RIMBP2: variants seen among roughly 807,000 people sequenced by gnomAD.
RIMBP2 encodes RIMS binding protein 2.
In RIMBP2, 48 loss-of-function variants were observed where a neutral mutation model predicts 118.6. The observed-to-expected ratio is 0.40, with a 90% CI of 0.32 to 0.51. The LOEUF is 0.51. Among genes scored for constraint, RIMBP2 ranks in the 20% least tolerant of loss-of-function variants. RIMBP2 has a pLI of 0.41. For synonymous variants in RIMBP2, 762 were observed against 742.9 expected (o/e 1.03, Z -0.42); for missense variants, 1,551 against 1,768.3 (o/e 0.88, Z 2.20).
intron 1 of RIMBP2, among the ~76,000 whole-genome samples, chr12:130,715,806 G>C (rs1040124968): frequency 6.7e-6 from 1 of 149,990 alleles, no homozygotes. Flanking sequence ...CTGAGCCGCT[G>C]CTGTCTGAGA....
intron 2 of RIMBP2, among the ~76,000 whole-genome samples, chr12:130,551,784 C>A (rs2055813986): frequency 1.3e-5 from 2 of 152,198 alleles, no homozygotes; most frequent in Admixed American, 1.3e-4. Flanking sequence ...CCAGAGCAAG[C>A]CTCAAGGAAG....
chr12:130,458,637 T>A (rs554253377), intron 6 of RIMBP2, among the ~76,000 whole-genome samples: 2 of 152,316 alleles, frequency 1.3e-5, no homozygotes, highest in East Asian at 3.9e-4. Flanking sequence ...CGCGGAGCCT[T>A]CCCAGGGTGT....
chr12:130,551,187 A>T (rs1409036829), intron 2 of RIMBP2, among the ~76,000 whole-genome samples: 1 of 152,258 alleles, frequency 6.6e-6, no homozygotes, highest in Non-Finnish European at 1.5e-5. Flanking sequence ...GACTCCAGCA[A>T]GAGCCCCAGA....
chr12:130,670,231 A>G lies in RIMBP2; in HGVS notation c.-351-41775T>C, dbSNP rs949023169. On this transcript the variant is annotated intron_variant, in intron 1 of 22. Transcript: ENST00000690449. The surrounding 1 kb of genome is among the most constrained non-coding windows in gnomAD (Gnocchi z 4.9). ...TGGGAGGGAGCACAGCCCCGCCGAC[A>G]CCATGATCCCGGCCCCAGGACCTCA... Among the ~76,000 whole-genome samples the G allele has an allele frequency of 6.6e-6, 1 of 152,054 alleles. No homozygotes were observed. The highest frequency in any genetic ancestry group is 1.5e-5 in the Non-Finnish European group (1 of 68,002).
intron 20 of RIMBP2, among the ~76,000 whole-genome samples, chr12:130,406,570 A>C (rs997008487): frequency 5.9e-5 from 9 of 152,258 alleles, no homozygotes; most frequent in Admixed American, 1.3e-4. Flanking sequence ...TATTAGGGAA[A>C]TGTTCTCTGC....
At chr12:130,641,889 G>A (rs1002641503) in intron 1 of RIMBP2, among the ~76,000 whole-genome samples, 6 of 152,152 alleles carry the variant, frequency 3.9e-5, no homozygotes, top group African/African-American at 7.2e-5. Flanking sequence ...AGGGCCATCC[G>A]AGGATGGGGT....
At chr12:130,561,573 T>C (rs1467265557) in intron 2 of RIMBP2, among the ~76,000 whole-genome samples, 1 of 152,184 alleles carries the variant, frequency 6.6e-6, no homozygotes, top group Non-Finnish European at 1.5e-5. Context: ...CCTTCTTGCG[T>C]AATCCGGTGT....
intron 1 of RIMBP2, among the ~76,000 whole-genome samples, chr12:130,633,104 G>A (rs2062106221): frequency 6.6e-6 from 1 of 152,052 alleles, no homozygotes; most frequent in Non-Finnish European, 1.5e-5. Flanking sequence ...GAACCCCCCA[G>A]GTCTTAAGCC....
In RIMBP2 at chr12:130,436,717, G is replaced by A. The variant is rs887800379; in HGVS notation, c.2106+125C>T. On this transcript the variant is annotated intron_variant, in intron 13 of 22. Transcript: ENST00000690449. Reference sequence around the variant, plus strand: ...GAGTCCACCAGCAAAGCGGTGGGCTGAGCGCGGCCCCCCTCCCTGCAAGCT... The same window carrying A: ...GAGTCCACCAGCAAAGCGGTGGGCTAAGCGCGGCCCCCCTCCCTGCAAGCT... 2.2e-5 allele frequency: 15 copies of A among 693,798 alleles called. No individual in the cohort carries two copies. In the African/African-American group the frequency reaches 2.6e-4, roughly 12 times the overall value. The allele number at this position is 693,798 out of a possible 1,614,324, so 43.0% of individuals were successfully genotyped here.
intron 2 of RIMBP2, among the ~76,000 whole-genome samples, chr12:130,550,382 T>G (rs1000860644): frequency 1.3e-5 from 2 of 152,226 alleles, no homozygotes; most frequent in African/African-American, 4.8e-5. Context: ...AACATTTTTA[T>G]TTGAATGGTA....
At position 130,434,885 on chromosome 12, in the gene RIMBP2, G is replaced by A. The variant is rs560707135; in HGVS notation, c.2107-5C>T. The A allele has an allele frequency of 1.9e-6, 3 of 1,600,132 alleles. No individual in the cohort carries two copies. In the East Asian group the frequency reaches 6.8e-5, roughly 36 times the overall value. ...GAAGACGCTCCTTTTCTCTAACTTG[G>A]AAAGAAAAAGGAGGCACACGGGTGA... On this transcript the variant is annotated splice_region_variant and splice_polypyrimidine_tract_variant and intron_variant, in intron 13 of 22. Transcript: ENST00000690449. This position sits in a 1 kb window ranked among gnomAD's most constrained non-coding sequence, Gnocchi z 5.7.
intron 2 of RIMBP2, among the ~76,000 whole-genome samples, chr12:130,556,582 C>T (rs1401104332): frequency 6.6e-5 from 10 of 152,230 alleles, no homozygotes; most frequent in Admixed American, 6.5e-4. Flanking sequence ...AAGCTGGTGA[C>T]CCCCACATGG....
intron 2 of RIMBP2, among the ~76,000 whole-genome samples, chr12:130,609,672 C>T (rs1403705419): frequency 2.3e-5 from 3 of 131,296 alleles, no homozygotes; most frequent in Non-Finnish European, 3.5e-5. Flanking sequence ...TCTGGAGAGC[C>T]AGGAATACTG....
chr12:130,646,035 C>T (rs1041189493), intron 1 of RIMBP2, among the ~76,000 whole-genome samples: 3 of 151,936 alleles, frequency 2.0e-5, no homozygotes, highest in African/African-American at 2.4e-5. Context: ...GGTGCGGCAG[C>T]CAGTTCCCTC....
intron 1 of RIMBP2, among the ~76,000 whole-genome samples, chr12:130,638,737 C>A (rs768479824): frequency 6.6e-6 from 1 of 150,994 alleles, no homozygotes; most frequent in African/African-American, 2.4e-5. Flanking sequence ...TAGTACATTG[C>A]GGAAAAGGCA....
rs1214476185 is a variant in RIMBP2 at position 130,397,475 on chromosome 12, C to T, written c.3975G>A (p.Thr1325=). The change falls in exon 23 of 23, where the codon ACG becomes ACA. Residue 1325 remains threonine (T), a synonymous_variant. Transcript: ENST00000690449. Reference sequence around the variant, plus strand: ...CAGGACTACCAGAACCCATAGATGACGTAGGTGACCCCGAATGGAGATGGA... The same window carrying T: ...CAGGACTACCAGAACCCATAGATGATGTAGGTGACCCCGAATGGAGATGGA... ...PTVHLHSGSP[T]SSMGSGSPGR... 4 of 399,024 alleles carry T rather than the reference C, an allele frequency of 1.0e-5. No homozygotes were observed. The highest frequency in any genetic ancestry group is 4.4e-5 in the Admixed American group (1 of 22,730). The allele number at this position is 399,024 out of a possible 1,614,324, so 24.7% of individuals were successfully genotyped here.
chr12:130,484,816 C>A (rs2082344350), intron 4 of RIMBP2, among the ~76,000 whole-genome samples: 1 of 152,236 alleles, frequency 6.6e-6, no homozygotes. Flanking sequence ...AACACCTGGG[C>A]TCAAATCCCA....
rs1555320812 is a variant in RIMBP2, at chr12:130,664,381, ACGCGCATGCACACACACG to A, written c.-351-35943_-351-35926del. ...CACACATATGCACGTGCATGCACGC[ACGCGCATGCACACACACG>A]CACGCACGCACGCACACACACGCAC... On this transcript the variant is annotated intron_variant, in intron 1 of 22. Transcript: ENST00000690449. Among the ~76,000 whole-genome samples the A allele has an allele frequency of 4.8e-4, 58 of 120,322 alleles. 2 individuals carry two copies. Among genetic ancestry groups the A allele is most frequent in the Admixed American group, 5.9e-4 (7 of 11,812 alleles). The allele number at this position is 120,322 out of a possible 152,430, so 78.9% of individuals were successfully genotyped here.
chr12:130,677,805 A>G (rs943425229), intron 1 of RIMBP2, among the ~76,000 whole-genome samples: 3 of 152,182 alleles, frequency 2.0e-5, no homozygotes, highest in Non-Finnish European at 4.4e-5. Flanking sequence ...TGTCCCCCCA[A>G]AATCATTCTT....
Sources: allele counts gnomAD v4.1 joint callset (sites outside exome capture counted in the v4.1 genomes callset), GRCh38; gene constraint gnomAD v4.1.1; non-coding constraint Gnocchi (gnomAD v3.1); transcripts MANE v1.5; gene names NCBI Gene and HGNC (gene_info 2026-07-23, HGNC 2026-07-21).